Variants in SMARCA2 observed in about 807,000 individuals in gnomAD.
SMARCA2 encodes the protein SWI/SNF-related matrix-associated actin-dependent regulator of chromatin subfamily A member 2.
A neutral mutation model predicts 199.8 loss-of-function variants in SMARCA2; 61 were observed. The ratio of observed to expected loss-of-function variants is 0.31; its 90% CI spans 0.25 to 0.38. The LOEUF is 0.38. SMARCA2 is among the 10% of genes least tolerant of loss of function. SMARCA2 has a pLI of 1.00. For missense variants in SMARCA2, 1,344 were observed against 2,012.2 expected (o/e 0.67, Z 6.35); for synonymous variants, 935 against 732.0 (o/e 1.28, Z -4.48).
chr9:2,132,082 C>T (rs141893232), intron 27 of SMARCA2, among the ~76,000 whole-genome samples: 4 of 152,240 alleles, frequency 2.6e-5, no homozygotes, highest in African/African-American at 4.8e-5. Flanking sequence ...GAGTTGGCCT[C>T]TCATCACAGG....
intron 27 of SMARCA2, among the ~76,000 whole-genome samples, chr9:2,156,501 C>G (rs1056716717): frequency 7.5e-6 from 1 of 134,180 alleles, no homozygotes; most frequent in African/African-American, 3.0e-5. Context: ...ACAATCTTGG[C>G]TAATTGCAAC....
At chr9:2,179,199 C>A (rs1217790555) in intron 29 of SMARCA2, among the ~76,000 whole-genome samples, 1 of 152,098 alleles carries the variant, frequency 6.6e-6, no homozygotes, top group African/African-American at 2.4e-5. Flanking sequence ...TAGAGACTCT[C>A]CTGACTAGAA....
At position 2,156,414 on chromosome 9, in the gene SMARCA2, CTTTTTTTTTTTT is replaced by C. The variant is rs57161267; in HGVS notation, c.3982-5251_3982-5240del. ...ATACCATAAAGTTTACCATTTTAGA[CTTTTTTTTTTTT>C]TTTTTTTTTTTTTTTTTTTTGAGGC... On this transcript the variant is annotated intron_variant, in intron 27 of 33. Coordinates refer to ENST00000349721, the MANE Select transcript of SMARCA2 (RefSeq NM_003070.5). Among the ~76,000 whole-genome samples, 363 of 69,136 alleles carry C rather than the reference CTTTTTTTTTTTT, an allele frequency of 5.3e-3. 5 individuals carry two copies. The highest frequency in any genetic ancestry group is 0.012 in the East Asian group (28 of 2,290). The allele number at this position is 69,136 out of a possible 152,430, so 45.4% of individuals were successfully genotyped here. A position where few individuals can be genotyped will look rare whatever the true frequency, so the allele number is the denominator to read the frequency against.
At chr9:2,084,982 A>G (rs1406890908) in intron 17 of SMARCA2, among the ~76,000 whole-genome samples, 1 of 152,130 alleles carries the variant, frequency 6.6e-6, no homozygotes, top group Non-Finnish European at 1.5e-5. Flanking sequence ...TTACCCCATG[A>G]CGTTTTGAAA....
At position 2,192,820 on chromosome 9, in the gene SMARCA2, A is replaced by G. The variant is rs1827982118; in HGVS notation, c.*81A>G. ...TCTACCCAGTGAGTTCATTTGTCAT[A>G]TAGGCACTGGGTTGTTTCTATATCA... On this transcript the variant is annotated 3_prime_UTR_variant, in exon 34 of 34. Coordinates refer to ENST00000349721, the MANE Select transcript of SMARCA2 (RefSeq NM_003070.5). The G allele has an allele frequency of 2.0e-6, 2 of 1,004,540 alleles. No homozygotes were observed. Among genetic ancestry groups the G allele is most frequent in the Non-Finnish European group, 1.6e-6 (1 of 628,718 alleles). 62.2% of individuals were successfully genotyped at this position (1,004,540 alleles called of 1,614,324 possible).
chr9:2,070,514 G>A (rs368435670), intron 10 of SMARCA2, 43 bp downstream of exon 10: 161 of 1,456,486 alleles, frequency 1.1e-4, no homozygotes, highest in Non-Finnish European at 1.5e-4. Context: ...GCTGAATGGA[G>A]TCTGTGCCAT....
intron 27 of SMARCA2, chr9:2,159,618 A>AG (rs945750506): frequency 2.0e-5 from 11 of 553,614 alleles, no homozygotes; most frequent in African/African-American, 1.5e-4. Context: ...TGGAATAATA[A>AG]GGGGAAAAAA....
At chr9:2,136,962 C>G (rs1438907660) in intron 27 of SMARCA2, among the ~76,000 whole-genome samples, 1 of 152,182 alleles carries the variant, frequency 6.6e-6, no homozygotes, top group Non-Finnish European at 1.5e-5. Flanking sequence ...GAAAGGGCCA[C>G]TGCCTCTTTG....
intron 32 of SMARCA2, among the ~76,000 whole-genome samples, chr9:2,188,829 C>A (rs765310155): frequency 6.6e-6 from 1 of 152,178 alleles, no homozygotes; most frequent in East Asian, 1.9e-4. Context: ...TGGTTCTCAG[C>A]AGAGTTCAAT....
Position 2,086,058 on chromosome 9 carries a change from A to G in SMARCA2, c.2527-771A>G, listed in dbSNP as rs1821791904. ...GGAAGTATGCTGTATTTAATTCTGC[A>G]GTTTTGGCATAAATACAGGAGTGAT... On this transcript the variant is annotated intron_variant, in intron 17 of 33. Coordinates refer to ENST00000349721, the MANE Select transcript of SMARCA2 (RefSeq NM_003070.5). The surrounding 1 kb of genome is among the most constrained non-coding windows in gnomAD (Gnocchi z 4.3). 6.6e-6 allele frequency: 1 copy of G among 152,254 alleles called. No homozygotes were observed. 9.4% of individuals were successfully genotyped at this position (152,254 alleles called of 1,614,324 possible). A position where few individuals can be genotyped will look rare whatever the true frequency, so the allele number is the denominator to read the frequency against.
intron 6 of SMARCA2, 34 bp downstream of exon 6, chr9:2,054,757 G>T (rs762960647): frequency 2.5e-6 from 4 of 1,609,476 alleles, no homozygotes; most frequent in Non-Finnish European, 2.6e-6. Context: ...CTGAGATGTA[G>T]GAAATAAATG....
intron 24 of SMARCA2, among the ~76,000 whole-genome samples, chr9:2,112,972 T>C (rs1823068072): frequency 6.6e-6 from 1 of 152,218 alleles, no homozygotes; most frequent in South Asian, 2.1e-4. Context: ...CACACCCATG[T>C]CTGTTTAGGT....
At chr9:2,041,505 T>A in intron 4 of SMARCA2, 1 of 398,116 alleles carries the variant, frequency 2.5e-6, no homozygotes, top group Non-Finnish European at 4.4e-6. Flanking sequence ...ATGAGGACTC[T>A]ACTCTCATGA....
intron 1 of SMARCA2, among the ~76,000 whole-genome samples, chr9:2,021,158 G>C (rs12555882): frequency 0.16 from 24,860 of 152,126 alleles, 2,224 homozygotes; most frequent in East Asian, 0.29. Context: ...TATGCAAGCA[G>C]TAATATTTTA....
intron 8 of SMARCA2, among the ~76,000 whole-genome samples, chr9:2,059,868 T>A (rs1275829760): frequency 6.6e-6 from 1 of 152,166 alleles, no homozygotes. Context: ...TGCAGCTTGC[T>A]CCTTTTATCG....
At chr9:2,144,144 G>A (rs1824601701) in intron 27 of SMARCA2, among the ~76,000 whole-genome samples, 1 of 152,128 alleles carries the variant, frequency 6.6e-6, no homozygotes, top group Non-Finnish European at 1.5e-5. Flanking sequence ...AAGTTAACTT[G>A]GAAATGATTT....
intron 26 of SMARCA2, among the ~76,000 whole-genome samples, chr9:2,122,357 C>A (rs1348976661): frequency 1.3e-5 from 2 of 151,710 alleles, no homozygotes; most frequent in Non-Finnish European, 2.9e-5. Context: ...TCTCTAATAA[C>A]TATTAGGAGG....
intron 27 of SMARCA2, among the ~76,000 whole-genome samples, chr9:2,142,338 T>C (rs1043818971): frequency 2.0e-5 from 3 of 152,176 alleles, no homozygotes; most frequent in African/African-American, 7.2e-5. Context: ...AAAGCAGAAA[T>C]AGAACAAAAA....
In SMARCA2 at chr9:2,082,053, A is replaced by G. The variant is rs1455059505; in HGVS notation, c.2348+58A>G. 2.1e-6 allele frequency: 3 copies of G among 1,409,666 alleles called. No individual in the cohort carries two copies. In the East Asian group the frequency reaches 7.0e-5, roughly 33 times the overall value. The allele number at this position is 1,409,666 out of a possible 1,614,324, so 87.3% of individuals were successfully genotyped here. A position where few individuals can be genotyped will look rare whatever the true frequency, so the allele number is the denominator to read the frequency against. On this transcript the variant is annotated intron_variant, in intron 15 of 33. Transcript: ENST00000349721. Reference sequence around the variant, plus strand: ...TCTGTATGTTGTAGAGTGCCCGATTAGTAGCTTGTCCTTGTTTTTTACTTA... The same window carrying G: ...TCTGTATGTTGTAGAGTGCCCGATTGGTAGCTTGTCCTTGTTTTTTACTTA...
Sources: gnomAD v4.1 joint callset for allele counts (sites outside exome capture counted in the v4.1 genomes callset) on GRCh38, gnomAD v4.1.1 for gene constraint, Gnocchi (gnomAD v3.1) non-coding constraint, MANE v1.5 for transcripts, NCBI Gene and HGNC (gene_info 2026-07-23, HGNC 2026-07-21) for gene names.